The following EXOSC9 variants were observed in gnomAD, a reference collection of about 807,000 sequenced individuals.
EXOSC9 encodes exosome component 9.
EXOSC9 carries 38 observed loss-of-function variants against 56.5 expected under a neutral mutation model. The ratio of observed to expected loss-of-function variants is 0.67; its 90% confidence interval spans 0.52 to 0.88. EXOSC9 has a LOEUF of 0.88. EXOSC9 is among the 40% of genes least tolerant of loss of function. The pLI, the probability that EXOSC9 is intolerant of heterozygous loss-of-function variation, is 0.00. For missense variants in EXOSC9, 559 were observed against 530.5 expected, an observed-to-expected ratio of 1.05 and a Z score of -0.53; for synonymous variants, 170 against 170.8, an observed-to-expected ratio of 0.99 and a Z score of 0.04.
chr4:121,815,882 A>G (rs1293300111), intron 10 of EXOSC9: 1 of 1,153,856 alleles, frequency 8.7e-7, no homozygotes, highest in African/African-American at 1.6e-5. Context: ...CCTGTAGGAA[A>G]TAAGAGTTTA....
Position 121,801,330 on chromosome 4 carries a change from TC to T in EXOSC9, c.-93del. ...CCGCCGCGCCTTGATGACGTAATTT[TC>T]CTGCGCCTCGGGGCGAGCAGCGGCG... On this transcript the variant is annotated 5_prime_UTR_variant, in exon 1 of 12. Coordinates refer to ENST00000243498, the MANE Select transcript of EXOSC9 (RefSeq NM_005033.3). 1 of 1,236,780 alleles carries T rather than the reference TC, an allele frequency of 8.1e-7. No homozygotes were observed. The highest frequency in any genetic ancestry group is 1.2e-5 in the South Asian group (1 of 83,180). The allele number at this position is 1,236,780 out of a possible 1,614,324, so 76.6% of individuals were successfully genotyped here.
Position 121,802,922 on chromosome 4 carries a change from G to C in EXOSC9, c.289G>C (p.Asp97His), listed in dbSNP as rs1726912254. Residue 97 changes from aspartate (D) to histidine (H), a missense_variant, in exon 4 of 12, where the codon GAT becomes CAT. Asp to His is a moderately conservative substitution (Grantham distance 81, BLOSUM62 -1). Coordinates refer to ENST00000243498, the MANE Select transcript of EXOSC9 (RefSeq NM_005033.3). ...APAFEPGRQSDLLVKLNRLME... is the reference protein window; with the variant it reads ...APAFEPGRQSHLLVKLNRLME... ...CCTATTTTCTCCTTATAGGCAGTCA[G>C]ATCTCTTGGTGAAGTTGAATCGACT... is the stretch of plus-strand genomic sequence containing the variant. 3.1e-6 allele frequency: 5 copies of C among 1,613,774 alleles called. No homozygotes were observed. Among genetic ancestry groups the C allele is most frequent in the Non-Finnish European group, 3.4e-6 (4 of 1,179,722 alleles).
intron 7 of EXOSC9, 41 bp from the exon 8 acceptor site, chr4:121,811,542 G>A: frequency 2.5e-6 from 3 of 1,205,884 alleles, no homozygotes; most frequent in Non-Finnish European, 3.5e-6. Context: ...AAACTATTTG[G>A]TTTATTGTCT....
chr4:121,816,011 C>A, intron 10 of EXOSC9: 1 of 1,211,206 alleles, frequency 8.3e-7, no homozygotes, highest in Non-Finnish European at 1.0e-6. Flanking sequence ...GCTCTGTCAC[C>A]CAGACTGGAG....
intron 10 of EXOSC9, 92 bp downstream of exon 10, chr4:121,814,139 T>C (rs900754010): frequency 1.3e-6 from 1 of 777,242 alleles, no homozygotes; most frequent in Non-Finnish European, 2.1e-6. Flanking sequence ...TGTGTGTATA[T>C]TTATATTATC....
In EXOSC9 at chr4:121,802,946, C is replaced by G. The variant is rs769234891; in HGVS notation, c.313C>G (p.Leu105Val). 3.7e-5 allele frequency: 59 copies of G among 1,614,008 alleles called. No homozygotes were observed. Among genetic ancestry groups the G allele is most frequent in the Non-Finnish European group, 4.7e-5 (56 of 1,179,926 alleles). ...AGATCTCTTGGTGAAGTTGAATCGA[C>G]TCATGGAAAGATGTCTAAGAAATTC... is the stretch of plus-strand genomic sequence containing the variant. ...QSDLLVKLNRLMERCLRNSKC... is the reference protein window; with the variant it reads ...QSDLLVKLNRVMERCLRNSKC... The change falls in exon 4 of 12, where the codon CTC becomes GTC. Residue 105 changes from leucine to valine, a missense_variant. By Grantham distance (32) the Leu-to-Val change is conservative. Coordinates refer to ENST00000243498, the MANE Select transcript of EXOSC9 (RefSeq NM_005033.3).
At chr4:121,801,668 C>T (rs1341322439) in intron 1 of EXOSC9, 159 bp from the exon 2 acceptor site, 4 of 780,068 alleles carry the variant, frequency 5.1e-6, no homozygotes, top group South Asian at 1.6e-5. Flanking sequence ...CTCCAGTCAC[C>T]GCAGCAGTTG....
chr4:121,815,367 GAAT>G lies in EXOSC9; in HGVS notation c.1157-997_1157-995del, dbSNP rs1292561636. 4 of 979,024 alleles carry G rather than the reference GAAT, an allele frequency of 4.1e-6. No homozygotes were observed. The Admixed American group carries it at 1.8e-4, about 45-fold the overall frequency. The allele number at this position is 979,024 out of a possible 1,614,324, so 60.6% of individuals were successfully genotyped here. ...TTGTTTAGTGTATTCTTCTAACAGTGAATAATATTTTCAACTGAATATAATGAA... is the reference window on the plus strand; with the variant it reads ...TTGTTTAGTGTATTCTTCTAACAGTGAATATTTTCAACTGAATATAATGAA... On this transcript the variant is annotated intron_variant, in intron 10 of 11. Transcript: ENST00000243498.
At chr4:121,814,759 A>T (rs955066365) in intron 10 of EXOSC9, 1 of 152,206 alleles carries the variant, frequency 6.6e-6, no homozygotes, top group Non-Finnish European at 1.5e-5. Context: ...ATTAGAACAT[A>T]AAAAAATTCT....
Position 121,816,825 on chromosome 4 carries a change from AAAG to A in EXOSC9, c.1295_1297del (p.Arg432del), listed in dbSNP as rs757068837. ...AAAGCACCAAGTAAAAAGCCAGTGAAAAGAAGAAAAAAGAAGAGAGCTGCCAAT... is the reference window on the plus strand; with the variant it reads ...AAAGCACCAAGTAAAAAGCCAGTGAAAAGAAAAAAGAAGAGAGCTGCCAAT... On this transcript the variant is annotated inframe_deletion, in exon 12 of 12. Transcript: ENST00000243498. 6.9e-6 allele frequency: 11 copies of A among 1,595,052 alleles called. No individual in the cohort carries two copies. The highest frequency in any genetic ancestry group is 2.7e-5 in the African/African-American group (2 of 73,944).
intron 4 of EXOSC9, 27 bp from the exon 5 acceptor site, chr4:121,804,595 T>A (rs182207655): frequency 1.4e-6 from 2 of 1,458,330 alleles, no homozygotes; most frequent in Non-Finnish European, 1.9e-6. Flanking sequence ...CAGTTAGGAT[T>A]TATTTTTATT....
At chr4:121,814,089 A>G (rs1724381109) in intron 10 of EXOSC9, 42 bp downstream of exon 10, 1 of 1,226,574 alleles carries the variant, frequency 8.2e-7, no homozygotes, top group African/African-American at 1.5e-5. Context: ...TATTACATAC[A>G]TATAGTATTA....
At chr4:121,815,918 C>T in intron 10 of EXOSC9, 1 of 1,212,972 alleles carries the variant, frequency 8.2e-7, no homozygotes, top group Non-Finnish European at 1.0e-6. Context: ...CAGATGAGTT[C>T]TAGAGTGCTC....
chr4:121,801,839 A>C lies in EXOSC9; in HGVS notation c.79A>C (p.Arg27=), dbSNP rs764701354. 1 of 1,613,366 alleles carries C rather than the reference A, an allele frequency of 6.2e-7. No homozygotes were observed. Among genetic ancestry groups the C allele is most frequent in the Non-Finnish European group, 8.5e-7 (1 of 1,179,242 alleles). ...AIEEKKRLDG[R]QTYDYRNIRI... ...TTTGTGCTTACAGCGGCTGGATGGC[A>C]GACAAACCTATGATTATAGGAACAT... Residue 27 remains arginine (R), a synonymous_variant, in exon 2 of 12, where the codon AGA becomes CGA. Coordinates refer to ENST00000243498, the MANE Select transcript of EXOSC9 (RefSeq NM_005033.3).
At position 121,809,879 on chromosome 4, in the gene EXOSC9, T is replaced by C. The variant is rs901791927; in HGVS notation, c.606-88T>C. ...AGACCTTTATTCTCTGTTGACTTTA[T>C]TGATGCCATCTTTTAAAAATTCATT... On this transcript the variant is annotated intron_variant, in intron 6 of 11. Transcript: ENST00000243498. The C allele has an allele frequency of 1.6e-5, 23 of 1,469,676 alleles. No individual in the cohort carries two copies. In the African/African-American group the frequency reaches 2.4e-4, roughly 15 times the overall value. 91.0% of individuals were successfully genotyped at this position (1,469,676 alleles called of 1,614,324 possible).
intron 10 of EXOSC9, 177 bp downstream of exon 10, chr4:121,814,224 TAG>T (rs1474767164): frequency 2.4e-5 from 10 of 414,998 alleles, no homozygotes; most frequent in East Asian, 1.8e-4. Context: ...GGATACTATA[TAG>T]AGAGAATATA....
At chr4:121,808,046 AT>A (rs1408073546) in intron 6 of EXOSC9, among the ~76,000 whole-genome samples, 4 of 152,126 alleles carry the variant, frequency 2.6e-5, no homozygotes, top group African/African-American at 7.2e-5. Context: ...ACAAGGGGGG[AT>A]GGTTCACAGA....
chr4:121,813,519 A>G (rs1578506261), intron 9 of EXOSC9, 139 bp downstream of exon 9: 2 of 751,946 alleles, frequency 2.7e-6, no homozygotes, highest in African/African-American at 3.5e-5. Context: ...TTAAAATACA[A>G]GATAGAGATG....
intron 10 of EXOSC9, 54 bp downstream of exon 10, chr4:121,814,101 C>A: frequency 1.9e-6 from 2 of 1,073,340 alleles, no homozygotes; most frequent in South Asian, 1.4e-5. Flanking sequence ...ATAGTATTAC[C>A]GTATAGTTAT....
Sources: gnomAD v4.1 joint callset for allele counts (sites outside exome capture counted in the v4.1 genomes callset) on GRCh38, gnomAD v4.1.1 for gene constraint, MANE v1.5 for transcripts, NCBI Gene and HGNC (gene_info 2026-07-23, HGNC 2026-07-21) for gene names.